The following MEAK7 variants were observed in gnomAD, a reference collection of about 807,000 sequenced individuals.
MEAK7 encodes the protein MTOR-associated protein MEAK7.
In MEAK7, 68 loss-of-function variants were observed where a neutral mutation model predicts 40.5. The ratio of observed to expected loss-of-function variants is 1.68; its 90% CI spans 1.38 to 2.06. MEAK7 has a LOEUF of 2.06. MEAK7 is among the 30% of genes most tolerant of loss of function. The pLI is 0.00. For missense variants in MEAK7, 918 were observed against 580.5 expected (o/e 1.58, Z -5.98); for synonymous variants, 338 against 231.9 (o/e 1.46, Z -4.16).
chr16:84,493,377 A>C (rs1913786906), intron 3 of MEAK7, among the ~76,000 whole-genome samples: 1 of 152,202 alleles, frequency 6.6e-6, no homozygotes, highest in Non-Finnish European at 1.5e-5. Context: ...GTGCTGTTGG[A>C]ATAGAAAGGA....
rs1912197450 is a variant in MEAK7, at chr16:84,478,076, C to A, written c.*1837G>T. 6.6e-6 allele frequency: 1 copy of A among 151,634 alleles called. No homozygotes were observed. The highest frequency in any genetic ancestry group is 2.4e-5 in the African/African-American group (1 of 41,238). 9.4% of individuals were successfully genotyped at this position (151,634 alleles called of 1,614,324 possible). On this transcript the variant is annotated 3_prime_UTR_variant, in exon 8 of 8. Transcript: ENST00000343629. The stretch of plus-strand genomic sequence containing the variant: ...TTTTTTTTTAACTGAGGCATCATGG[C>A]AGTTTAATAGTGAGGTATTTAATTG...
In MEAK7 at chr16:84,486,843, A is replaced by T; in HGVS notation, c.746T>A (p.Leu249His). Residue 249 changes from leucine to histidine, a missense_variant, in exon 5 of 8, where the codon CTC (leucine) becomes CAC (histidine). By Grantham distance (99) the Leu-to-His change is moderately conservative. Transcript: ENST00000343629. ...CTGGGCGTTGATGTACATGACAGAG[A>T]GGACATCCAGGATGCTCTCAAAACC... is the stretch of plus-strand genomic sequence containing the variant. ...GRGFESILDV[L>H]SVMYINAQLP... The T allele has an allele frequency of 3.7e-6, 6 of 1,614,162 alleles. No individual in the cohort carries two copies. The highest frequency in any genetic ancestry group is 4.2e-6 in the Non-Finnish European group (5 of 1,180,038).
rs947027957 is a variant in MEAK7, at chr16:84,477,566, T to G, written c.*2347A>C. The G allele has an allele frequency of 2.2e-5, 3 of 133,992 alleles. No homozygotes were observed. Among genetic ancestry groups the G allele is most frequent in the Non-Finnish European group, 4.8e-5 (3 of 62,158 alleles). 8.3% of individuals were successfully genotyped at this position (133,992 alleles called of 1,614,324 possible). On this transcript the variant is annotated 3_prime_UTR_variant, in exon 8 of 8. Coordinates refer to ENST00000343629, the MANE Select transcript of MEAK7 (RefSeq NM_020947.4). ...AATGTGGCAATCATTTATAATAGTT[T>G]GCAACGCGGACAAATTTTTTTTTTA... is the stretch of plus-strand genomic sequence containing the variant.
At chr16:84,483,936 T>C (rs2150626924) in intron 5 of MEAK7, among the ~76,000 whole-genome samples, 1 of 152,332 alleles carries the variant, frequency 6.6e-6, no homozygotes, top group South Asian at 2.1e-4. Flanking sequence ...GGCTTTACTC[T>C]GGGCTACAGA....
chr16:84,503,906 C>G, intron 1 of MEAK7: 2 of 984,284 alleles, frequency 2.0e-6, no homozygotes, highest in South Asian at 4.7e-5. Flanking sequence ...AGCTCCAACT[C>G]TCTACTCCAA....
intron 1 of MEAK7, among the ~76,000 whole-genome samples, chr16:84,502,138 C>T (rs954834062): frequency 1.8e-4 from 26 of 148,126 alleles, no homozygotes; most frequent in African/African-American, 5.6e-4. Context: ...GAGTGAAACT[C>T]GGTCTCAAAA....
At chr16:84,491,289 T>C (rs1913574110) in intron 3 of MEAK7, among the ~76,000 whole-genome samples, 1 of 151,488 alleles carries the variant, frequency 6.6e-6, no homozygotes, top group Non-Finnish European at 1.5e-5. Flanking sequence ...ATACAAAAAT[T>C]AACTTTGGGA....
chr16:84,495,928 C>G lies in MEAK7; in HGVS notation c.154-15G>C, dbSNP rs753771989. 1 of 1,613,188 alleles carries G rather than the reference C, an allele frequency of 6.2e-7. No individual in the cohort carries two copies. Among genetic ancestry groups the G allele is most frequent in the South Asian group, 1.1e-5 (1 of 91,070 alleles). On this transcript the variant is annotated splice_polypyrimidine_tract_variant and intron_variant, in intron 2 of 7. Coordinates refer to ENST00000343629, the MANE Select transcript of MEAK7 (RefSeq NM_020947.4). ...CCGACGTGGTTCTGCCGGGGACAAG[C>G]AGAAAAATATGGTTAGACAGTGCAC...
At position 84,487,011 on chromosome 16, in the gene MEAK7, C is replaced by T. The variant is rs778188228; in HGVS notation, c.578G>A (p.Arg193Gln). The change falls in exon 5 of 8, where the codon CGA (arginine) becomes CAA (glutamine). Residue 193 changes from arginine (R) to glutamine (Q), a missense_variant. Coordinates refer to ENST00000343629, the MANE Select transcript of MEAK7 (RefSeq NM_020947.4). ...GAACACCCAGTCCTCGATCACAGCT[C>T]GGTCACAGTCATAGTCCAGCCACTG... Reference protein sequence around the residue: ...GPQWLDYDCDRAVIEDWVFRV... With the variant: ...GPQWLDYDCDQAVIEDWVFRV... 8.7e-6 allele frequency: 14 copies of T among 1,614,020 alleles called. No homozygotes were observed. Among genetic ancestry groups the T allele is most frequent in the South Asian group, 3.3e-5 (3 of 91,054 alleles).
intron 4 of MEAK7, 32 bp downstream of exon 4, chr16:84,489,246 A>C (rs750582081): frequency 1.2e-6 from 2 of 1,608,726 alleles, no homozygotes; most frequent in Non-Finnish European, 1.7e-6. Flanking sequence ...CTACAGCAAA[A>C]GACCTGCATC....
At chr16:84,488,488 C>T (rs1006761517) in intron 4 of MEAK7, 15 of 152,052 alleles carry the variant, frequency 9.9e-5, no homozygotes, top group African/African-American at 3.6e-4. Context: ...ACAGAATACA[C>T]ATTCTTCTCA....
chr16:84,503,116 G>C (rs1463299100), intron 1 of MEAK7, among the ~76,000 whole-genome samples: 1 of 152,138 alleles, frequency 6.6e-6, no homozygotes, highest in Non-Finnish European at 1.5e-5. Context: ...CAATCTTTCA[G>C]TTTCCCTGGG....
In MEAK7 at chr16:84,495,697, T is replaced by C. The variant is rs11860785; in HGVS notation, c.370A>G (p.Arg124Gly). 1.2e-6 allele frequency: 2 copies of C among 1,614,106 alleles called. No individual in the cohort carries two copies. The highest frequency in any genetic ancestry group is 3.3e-5 in the Admixed American group (2 of 60,026). The change falls in exon 3 of 8, where the codon AGA becomes GGA. Residue 124 changes from arginine (R) to glycine (G), a missense_variant. Transcript: ENST00000343629. ...ISATEGPVKA[R>G]EVQKFTEDLV... ...GGCCTCACTACCTTTTGGACTTCTC[T>C]GGCCTTCACGGGACCTTCTGTGGCA...
At chr16:84,485,547 G>C (rs769191370) in intron 5 of MEAK7, among the ~76,000 whole-genome samples, 2 of 152,224 alleles carry the variant, frequency 1.3e-5, no homozygotes, top group African/African-American at 4.8e-5. Flanking sequence ...GAATGCCAAA[G>C]GCAAACCCTG....
chr16:84,488,642 T>C (rs1421527112), intron 4 of MEAK7, among the ~76,000 whole-genome samples: 2 of 152,152 alleles, frequency 1.3e-5, no homozygotes, highest in Non-Finnish European at 2.9e-5. Flanking sequence ...AAAGGCAATT[T>C]GAGGAATTCA....
intron 2 of MEAK7, 178 bp downstream of exon 2, chr16:84,497,756 G>A (rs926831584): frequency 3.1e-6 from 4 of 1,309,766 alleles, no homozygotes; most frequent in South Asian, 2.6e-5. Flanking sequence ...AGCTACAACA[G>A]AGACCGCATA....
chr16:84,492,569 T>TTTTA (rs58022971), intron 3 of MEAK7, among the ~76,000 whole-genome samples: 7,053 of 146,758 alleles, frequency 0.048, 425 homozygotes, highest in African/African-American at 0.14. Context: ...AAGTGTTTTA[T>TTTTA]TTTATTTATT....
At chr16:84,492,790 G>A (rs1002682280) in intron 3 of MEAK7, among the ~76,000 whole-genome samples, 4 of 151,980 alleles carry the variant, frequency 2.6e-5, no homozygotes, top group African/African-American at 9.7e-5. Flanking sequence ...CCATGTTAGC[G>A]AGGCTGGTCT....
intron 6 of MEAK7, among the ~76,000 whole-genome samples, chr16:84,481,776 A>T (rs960440343): frequency 5.9e-5 from 9 of 152,124 alleles, no homozygotes; most frequent in African/African-American, 1.9e-4. Flanking sequence ...TACTAAAAAT[A>T]CAAAAAAATT....
Sources: gnomAD v4.1 joint callset for allele counts (sites outside exome capture counted in the v4.1 genomes callset) on GRCh38, gnomAD v4.1.1 for gene constraint, MANE v1.5 for transcripts, NCBI Gene and HGNC (gene_info 2026-07-23, HGNC 2026-07-21) for gene names.